Variants in GOLIM4 observed in about 807,000 individuals in gnomAD.
The protein encoded by GOLIM4 is golgi integral membrane protein 4, also known as 130 kDa golgi-localized phosphoprotein.
Under a neutral mutation model 107.4 loss-of-function variants are expected in GOLIM4, and 71 were observed. The ratio of observed to expected loss-of-function variants is 0.66; its 90% CI spans 0.55 to 0.81. GOLIM4 has a LOEUF of 0.81. Among genes scored for constraint, GOLIM4 ranks in the 30% least tolerant of loss-of-function variants. The pLI, the probability that GOLIM4 is intolerant of heterozygous loss-of-function variation, is 0.00. For synonymous variants in GOLIM4, 327 were observed against 294.8 expected (o/e 1.11, Z -1.12); for missense variants, 830 against 826.1 (o/e 1.00, Z -0.06).
At chr3:168,053,474 C>A (rs1719768428) in intron 1 of GOLIM4, among the ~76,000 whole-genome samples, 1 of 152,178 alleles carries the variant, frequency 6.6e-6, no homozygotes, top group African/African-American at 2.4e-5. Context: ...TTGAGATTTG[C>A]AAGTACCTCT....
intron 9 of GOLIM4, among the ~76,000 whole-genome samples, chr3:168,031,863 G>A (rs1341710176): frequency 6.6e-6 from 1 of 152,104 alleles, no homozygotes; most frequent in Admixed American, 6.5e-5. Context: ...GCATCTAGCT[G>A]CACTAACTGT....
Position 168,044,751 on chromosome 3 carries a change from C to T in GOLIM4, c.366+77G>A, listed in dbSNP as rs1428506805. On this transcript the variant is annotated intron_variant, in intron 4 of 15. Coordinates refer to ENST00000470487, the MANE Select transcript of GOLIM4 (RefSeq NM_014498.5). ...AACTTCTGTAAACTTTCTTTAATCACTTTAAAGGCCATTAGTCAGTTCAAG... is the reference window on the plus strand; with the variant it reads ...AACTTCTGTAAACTTTCTTTAATCATTTTAAAGGCCATTAGTCAGTTCAAG... 7.8e-5 allele frequency: 64 copies of T among 815,540 alleles called. No homozygotes were observed. In the East Asian group the frequency reaches 1.6e-3, roughly 21 times the overall value. 50.5% of individuals were successfully genotyped at this position (815,540 alleles called of 1,614,324 possible).
At chr3:168,043,561 C>T in intron 4 of GOLIM4, 32 bp from the exon 5 acceptor site, 1 of 1,558,478 alleles carries the variant, frequency 6.4e-7, no homozygotes, top group Non-Finnish European at 8.7e-7. Context: ...TAGAAATATA[C>T]ATTCTCTGAA....
At chr3:168,093,929 A>G (rs1436409698) in intron 1 of GOLIM4, among the ~76,000 whole-genome samples, 1 of 152,260 alleles carries the variant, frequency 6.6e-6, no homozygotes, top group East Asian at 1.9e-4. Flanking sequence ...CATCTGTTTC[A>G]TATCTGCACA....
At chr3:168,052,757 G>A (rs1329734889) in intron 1 of GOLIM4, among the ~76,000 whole-genome samples, 2 of 152,110 alleles carry the variant, frequency 1.3e-5, no homozygotes, top group Non-Finnish European at 2.9e-5. Flanking sequence ...ATCAATCCTT[G>A]TCACCTATCT....
chr3:168,034,112 T>C (rs1209499603), intron 8 of GOLIM4, among the ~76,000 whole-genome samples: 1 of 152,192 alleles, frequency 6.6e-6, no homozygotes, highest in East Asian at 1.9e-4. Context: ...GGGAGAAAAG[T>C]CCTTTCTCAG....
intron 12 of GOLIM4, 28 bp from the exon 13 acceptor site, chr3:168,025,123 T>C: frequency 6.4e-7 from 1 of 1,573,978 alleles, no homozygotes; most frequent in Non-Finnish European, 8.7e-7. Context: ...AAAGCAACTA[T>C]CACTTCAAAA....
intron 1 of GOLIM4, among the ~76,000 whole-genome samples, chr3:168,074,712 G>T (rs1720988891): frequency 2.0e-5 from 3 of 152,176 alleles, no homozygotes; most frequent in African/African-American, 7.2e-5. Flanking sequence ...CTACATTAGT[G>T]AAGCCAAGAG....
intron 12 of GOLIM4, among the ~76,000 whole-genome samples, chr3:168,026,754 C>T (rs1207338877): frequency 6.6e-6 from 1 of 152,180 alleles, no homozygotes; most frequent in African/African-American, 2.4e-5. Flanking sequence ...ACTAGGTTCC[C>T]TGGAGCATAT....
chr3:168,024,630 A>G, intron 13 of GOLIM4, 36 bp from the exon 14 acceptor site: 1 of 1,520,904 alleles, frequency 6.6e-7, no homozygotes, highest in Non-Finnish European at 9.1e-7. Context: ...ATGTTACTGT[A>G]CATCAGAGAT....
At chr3:168,081,375 A>G (rs1448907739) in intron 1 of GOLIM4, among the ~76,000 whole-genome samples, 1 of 152,196 alleles carries the variant, frequency 6.6e-6, no homozygotes, top group Non-Finnish European at 1.5e-5. Flanking sequence ...AGCAGCCATC[A>G]GCATCTTCCA....
intron 1 of GOLIM4, 21 bp downstream of exon 1, chr3:168,095,078 C>T (rs752056012): frequency 1.9e-6 from 3 of 1,578,660 alleles, no homozygotes; most frequent in Non-Finnish European, 1.7e-6. Flanking sequence ...CCACCGGCTG[C>T]GCGCGTCCCG....
chr3:168,012,685 G>T, intron 14 of GOLIM4, among the ~76,000 whole-genome samples: 1 of 151,554 alleles, frequency 6.6e-6, no homozygotes, highest in African/African-American at 2.4e-5. Flanking sequence ...ACTAACAGCG[G>T]ATCTCTCGGC....
chr3:168,080,592 T>C (rs1333689836), intron 1 of GOLIM4, among the ~76,000 whole-genome samples: 1 of 151,268 alleles, frequency 6.6e-6, no homozygotes, highest in Admixed American at 6.6e-5. Context: ...TTAGTCAAGA[T>C]AAAGAATTTC....
intron 1 of GOLIM4, among the ~76,000 whole-genome samples, chr3:168,077,619 A>C (rs1242295091): frequency 6.6e-6 from 1 of 152,188 alleles, no homozygotes; most frequent in African/African-American, 2.4e-5. Flanking sequence ...ATTGACACAC[A>C]ACAAAAACTA....
At chr3:168,041,308 C>A in intron 6 of GOLIM4, 84 bp downstream of exon 6, 1 of 771,582 alleles carries the variant, frequency 1.3e-6, no homozygotes, top group South Asian at 1.6e-5. Context: ...GTAAAGCAGG[C>A]CAATTAGGGA....
intron 1 of GOLIM4, among the ~76,000 whole-genome samples, chr3:168,072,401 G>A (rs889354121): frequency 4.7e-5 from 7 of 149,330 alleles, no homozygotes; most frequent in Non-Finnish European, 8.9e-5. Context: ...AAAAGGTTCT[G>A]AAAGATTCAA....
intron 4 of GOLIM4, among the ~76,000 whole-genome samples, chr3:168,044,242 G>A (rs945995981): frequency 9.9e-5 from 15 of 152,186 alleles, no homozygotes; most frequent in African/African-American, 2.7e-4. Flanking sequence ...GGGGAGGCAC[G>A]GTGGGGTGGA....
rs1469190905 is a variant in GOLIM4 at position 168,015,086 on chromosome 3, G to A, written c.1861-4263C>T. Among the ~76,000 whole-genome samples, 4 of 151,454 alleles carry A rather than the reference G, an allele frequency of 2.6e-5. No individual in the cohort carries two copies. The East Asian group carries it at 7.7e-4, about 29-fold the overall frequency. On this transcript the variant is annotated intron_variant, in intron 14 of 15. Coordinates refer to ENST00000470487, the MANE Select transcript of GOLIM4 (RefSeq NM_014498.5). ...AATAAAGGCTATTCAATTAGGAAAA[G>A]AGGAAGTCAAATTGTCCCTGTTTGC...
Sources: gnomAD v4.1 joint callset for allele counts (sites outside exome capture counted in the v4.1 genomes callset) on GRCh38, gnomAD v4.1.1 for gene constraint, MANE v1.5 for transcripts, NCBI Gene and HGNC (gene_info 2026-07-23, HGNC 2026-07-21) for gene names.